The following KLHL20 variants were observed in gnomAD, a reference collection of about 807,000 sequenced individuals.
KLHL20 encodes kelch like family member 20.
KLHL20 carries 29 observed loss-of-function variants against 69.5 expected under a neutral mutation model. The observed-to-expected ratio is 0.42, with a 90% CI of 0.31 to 0.57. The LOEUF (loss-of-function observed/expected upper bound fraction) is 0.57, where lower values mean the gene tolerates loss of function less well. Ranked by LOEUF, KLHL20 falls within the 20% of genes least tolerant of loss-of-function variation. The pLI is 0.18. For missense variants in KLHL20, 419 were observed against 776.0 expected (o/e 0.54, Z 5.47); for synonymous variants, 253 against 265.2 (o/e 0.95, Z 0.45).
chr1:173,783,031 A>G (rs191723334), intron 11 of KLHL20, among the ~76,000 whole-genome samples: 5 of 152,366 alleles, frequency 3.3e-5, no homozygotes, highest in African/African-American at 1.2e-4. Flanking sequence ...CTTAAACACT[A>G]CAGGAACTTA....
At chr1:173,775,459 C>A (rs7349122) in intron 9 of KLHL20, among the ~76,000 whole-genome samples, 175 bp from the exon 10 acceptor site, 1,799 of 152,286 alleles carry the variant, frequency 0.012, 46 homozygotes, top group African/African-American at 0.042. Flanking sequence ...AGAAACCAGT[C>A]CCTGATGAGA....
chr1:173,756,918 G>C (rs770952060), intron 6 of KLHL20, 58 bp from the exon 7 acceptor site: 18 of 1,513,944 alleles, frequency 1.2e-5, no homozygotes, highest in Non-Finnish European at 1.6e-5. Flanking sequence ...TTAGTAGTGA[G>C]TGTTACATTT....
At chr1:173,755,831 C>T in intron 5 of KLHL20, 92 bp from the exon 6 acceptor site, 2 of 756,940 alleles carry the variant, frequency 2.6e-6, no homozygotes, top group East Asian at 2.8e-5. Flanking sequence ...TGCTTGCTTC[C>T]CTTTGCCAAC....
intron 3 of KLHL20, among the ~76,000 whole-genome samples, chr1:173,747,196 T>C (rs1268602131): frequency 2.0e-5 from 3 of 152,064 alleles, no homozygotes; most frequent in Non-Finnish European, 4.4e-5. Context: ...GTATTTGATA[T>C]GTATGCATAA....
At chr1:173,781,888 A>G in intron 10 of KLHL20, 2 of 365,086 alleles carry the variant, frequency 5.5e-6, no homozygotes, top group East Asian at 1.0e-4. Context: ...CAGTTTTTCT[A>G]AAATTTAAGA....
At chr1:173,773,302 A>T (rs1204537036) in intron 8 of KLHL20, among the ~76,000 whole-genome samples, 1 of 150,498 alleles carries the variant, frequency 6.6e-6, no homozygotes, top group African/African-American at 2.4e-5. Flanking sequence ...TTTAAGTCTC[A>T]GCCAGACACA....
At chr1:173,735,422 G>C (rs753575416) in intron 3 of KLHL20, among the ~76,000 whole-genome samples, 3 of 151,362 alleles carry the variant, frequency 2.0e-5, no homozygotes, top group Non-Finnish European at 2.9e-5. Flanking sequence ...CTCCAGCCTG[G>C]GTGAGAGAGC....
Position 173,774,421 on chromosome 1 carries a change from C to T in KLHL20, c.1412C>T (p.Thr471Ile). The change falls in exon 9 of 12, where the codon ACA becomes ATA. Residue 471 changes from threonine (T) to isoleucine (I), a missense_variant. Physicochemically the swap from Thr to Ile is moderately conservative, Grantham distance 89. Transcript: ENST00000209884. ...FLYAVGGSDG[T>I]SPLNTVERYN... ...TATGCTGTAGGTGGCTCTGACGGGA[C>T]ATCTCCTCTCAACACAGGTTAGTCC... is the stretch of plus-strand genomic sequence containing the variant. 6.2e-7 allele frequency: 1 copy of T among 1,614,048 alleles called. No individual in the cohort carries two copies. The highest frequency in any genetic ancestry group is 8.5e-7 in the Non-Finnish European group (1 of 1,179,990).
At chr1:173,763,737 CAA>C (rs1187956504) in intron 7 of KLHL20, among the ~76,000 whole-genome samples, 1 of 151,994 alleles carries the variant, frequency 6.6e-6, no homozygotes, top group Non-Finnish European at 1.5e-5. Context: ...AAAATCAACT[CAA>C]GATGTATTAA....
chr1:173,751,948 A>G lies in KLHL20; in HGVS notation c.756+26A>G, dbSNP rs763615639. On this transcript the variant is annotated intron_variant, in intron 4 of 11. Coordinates refer to ENST00000209884, the MANE Select transcript of KLHL20 (RefSeq NM_014458.4). ...GTAATGATAGAAATTCTTCTCTAAG[A>G]AACTGCTGACCGGGCATGGTGGCTC... 3.1e-6 allele frequency: 5 copies of G among 1,606,774 alleles called. No homozygotes were observed. In the South Asian group the frequency reaches 5.5e-5, roughly 18 times the overall value.
chr1:173,738,932 AG>A (rs1187985744), intron 3 of KLHL20, among the ~76,000 whole-genome samples: 1 of 152,164 alleles, frequency 6.6e-6, no homozygotes, highest in Non-Finnish European at 1.5e-5. Flanking sequence ...TATGTTCATC[AG>A]GGATACTGGT....
At chr1:173,776,203 A>G (rs1648455503) in intron 10 of KLHL20, among the ~76,000 whole-genome samples, 1 of 152,152 alleles carries the variant, frequency 6.6e-6, no homozygotes, top group Non-Finnish European at 1.5e-5. Flanking sequence ...GCACCTTTTC[A>G]TATACCTGTT....
chr1:173,781,463 G>A (rs1392766316), intron 10 of KLHL20, among the ~76,000 whole-genome samples: 1 of 151,980 alleles, frequency 6.6e-6, no homozygotes, highest in Non-Finnish European at 1.5e-5. Flanking sequence ...CTACAGGTAT[G>A]CCCCACCACA....
intron 7 of KLHL20, among the ~76,000 whole-genome samples, chr1:173,764,131 A>C (rs1203939262): frequency 6.6e-6 from 1 of 152,218 alleles, no homozygotes; most frequent in African/African-American, 2.4e-5. Flanking sequence ...AAAATGCTCA[A>C]CATCACAATG....
intron 2 of KLHL20, among the ~76,000 whole-genome samples, chr1:173,732,439 A>G (rs1007081719): frequency 6.6e-6 from 1 of 152,198 alleles, no homozygotes; most frequent in African/African-American, 2.4e-5. Context: ...TGGGATTTCA[A>G]AACTCAGGCC....
chr1:173,746,191 C>T (rs1238606446), intron 3 of KLHL20, among the ~76,000 whole-genome samples: 2 of 152,138 alleles, frequency 1.3e-5, no homozygotes, highest in African/African-American at 4.8e-5. Context: ...AATCTATTCG[C>T]TAATATTCAG....
At chr1:173,774,262 A>G in intron 8 of KLHL20, 43 bp from the exon 9 acceptor site, 1 of 1,612,516 alleles carries the variant, frequency 6.2e-7, no homozygotes, top group Non-Finnish European at 8.5e-7. Context: ...AAAAGGCTTC[A>G]CTTAATAAGA....
At chr1:173,746,961 T>C (rs1673089015) in intron 3 of KLHL20, among the ~76,000 whole-genome samples, 1 of 151,998 alleles carries the variant, frequency 6.6e-6, no homozygotes, top group African/African-American at 2.4e-5. Context: ...TATATTTCTG[T>C]AACTCAAAAG....
chr1:173,759,867 A>G (rs1374364638), intron 7 of KLHL20, among the ~76,000 whole-genome samples: 1 of 152,152 alleles, frequency 6.6e-6, no homozygotes, highest in East Asian at 1.9e-4. Flanking sequence ...GATCCAAACC[A>G]AGAAGATTCC....
Sources: allele counts gnomAD v4.1 joint callset (sites outside exome capture counted in the v4.1 genomes callset), GRCh38; gene constraint gnomAD v4.1.1; transcripts MANE v1.5; gene names NCBI Gene and HGNC (gene_info 2026-07-23, HGNC 2026-07-21).